AP4S1: variants seen among roughly 807,000 people sequenced by gnomAD.
AP4S1 encodes adaptor related protein complex 4 subunit sigma 1.
In AP4S1, 23 loss-of-function variants were observed where a neutral mutation model predicts 19.8. The observed-to-expected ratio is 1.16, with a 90% confidence interval of 0.84 to 1.65. The LOEUF is 1.65. Ranked by LOEUF, AP4S1 falls within the 40% of genes most tolerant of loss-of-function variation. The pLI is 0.00. For synonymous variants in AP4S1, 46 were observed against 54.1 expected (o/e 0.85, Z 0.66); for missense variants, 166 against 172.8 (o/e 0.96, Z 0.22).
Position 31,095,581 on chromosome 14 carries a change from C to G in AP4S1, c.*2546C>G, listed in dbSNP as rs1888180266. 1.3e-5 allele frequency: 2 copies of G among 152,122 alleles called. No individual in the cohort carries two copies. Among genetic ancestry groups the G allele is most frequent in the Non-Finnish European group, 2.9e-5 (2 of 68,062 alleles). 9.4% of individuals were successfully genotyped at this position (152,122 alleles called of 1,614,324 possible). On this transcript the variant is annotated 3_prime_UTR_variant, in exon 6 of 6. Coordinates refer to ENST00000542754, the MANE Select transcript of AP4S1 (RefSeq NM_001128126.3). ...ACAGGTGCGCACCCCCTCCACCCAG[C>G]TAATTTTTGTATTTTGTTGTAGAGA...
intron 1 of AP4S1, among the ~76,000 whole-genome samples, chr14:31,027,912 T>G (rs1884130808): frequency 6.6e-6 from 1 of 152,116 alleles, no homozygotes; most frequent in Non-Finnish European, 1.5e-5. Flanking sequence ...CATTGAAAAT[T>G]TGTTACTTTT....
chr14:31,085,631 G>A, intron 5 of AP4S1: 2 of 745,240 alleles, frequency 2.7e-6, no homozygotes, highest in South Asian at 1.2e-4. Context: ...AAAAAGCCAG[G>A]CATTGGTGGT....
At chr14:31,035,250 A>G (rs1884665168) in intron 1 of AP4S1, among the ~76,000 whole-genome samples, 1 of 131,252 alleles carries the variant, frequency 7.6e-6, no homozygotes, top group Non-Finnish European at 1.5e-5. Context: ...GCTGGAGTGC[A>G]GTGGTGCGAT....
At chr14:31,053,178 T>C (rs914322679) in intron 1 of AP4S1, among the ~76,000 whole-genome samples, 5 of 152,134 alleles carry the variant, frequency 3.3e-5, no homozygotes, top group Admixed American at 2.6e-4. Context: ...AGATCCCAGG[T>C]GATCCACCCA....
At position 31,066,221 on chromosome 14, in the gene AP4S1, A is replaced by G; in HGVS notation, c.25A>G (p.Asn9Asp). ...AATGATAAAATTTTTCCTCATGGTG[A>G]ATAAACAAGGGCAGACTCGACTTTC... MIKFFLMV[N>D]KQGQTRLSKY... is the part of the protein sequence containing the mutation. Residue 9 changes from asparagine (N) to aspartate (D), a missense_variant, in exon 2 of 6, where the codon AAT (asparagine) becomes GAT (aspartate). Coordinates refer to ENST00000542754, the MANE Select transcript of AP4S1 (RefSeq NM_001128126.3). 6.2e-7 allele frequency: 1 copy of G among 1,614,070 alleles called. No homozygotes were observed. The highest frequency in any genetic ancestry group is 8.5e-7 in the Non-Finnish European group (1 of 1,179,974).
chr14:31,038,317 C>T (rs1884895600), intron 1 of AP4S1, among the ~76,000 whole-genome samples: 1 of 152,062 alleles, frequency 6.6e-6, no homozygotes, highest in African/African-American at 2.4e-5. Flanking sequence ...CTTTATTGTC[C>T]TAAATTTTCA....
At chr14:31,067,217 A>G (rs1318594974) in intron 2 of AP4S1, among the ~76,000 whole-genome samples, 1 of 152,118 alleles carries the variant, frequency 6.6e-6, no homozygotes, top group Non-Finnish European at 1.5e-5. Context: ...TCAAAAAAAA[A>G]AAAAAGGAGG....
chr14:31,049,445 A>G (rs1594652362), intron 1 of AP4S1, among the ~76,000 whole-genome samples: 1 of 69,076 alleles, frequency 1.4e-5, no homozygotes, highest in Non-Finnish European at 2.6e-5. Context: ...ATATATATAT[A>G]TATATATATA....
intron 4 of AP4S1, among the ~76,000 whole-genome samples, chr14:31,078,444 T>C (rs1333291317): frequency 2.0e-5 from 3 of 152,170 alleles, no homozygotes; most frequent in Non-Finnish European, 4.4e-5. Context: ...ACAGTATAGC[T>C]CTAGCTTCTG....
intron 1 of AP4S1, among the ~76,000 whole-genome samples, chr14:31,051,943 G>A (rs1234064949): frequency 6.6e-6 from 1 of 152,164 alleles, no homozygotes; most frequent in Non-Finnish European, 1.5e-5. Flanking sequence ...TTACAGGCAT[G>A]AGCCACGATG....
At chr14:31,091,798 T>G (rs1466761820) in intron 5 of AP4S1, among the ~76,000 whole-genome samples, 1 of 152,244 alleles carries the variant, frequency 6.6e-6, no homozygotes, top group African/African-American at 2.4e-5. Context: ...GCTAGTGCAT[T>G]TAATTACCTA....
chr14:31,085,721 C>A, intron 5 of AP4S1: 1 of 775,186 alleles, frequency 1.3e-6, no homozygotes, highest in Non-Finnish European at 1.6e-6. Flanking sequence ...TGCAGTGAGC[C>A]ATGATTGTGC....
chr14:31,048,268 T>G (rs1375081282), intron 1 of AP4S1, among the ~76,000 whole-genome samples: 11 of 151,648 alleles, frequency 7.3e-5, no homozygotes, highest in Admixed American at 3.3e-4. Flanking sequence ...TAACTTTTTG[T>G]ATTTTGTATT....
chr14:31,029,299 G>C lies in AP4S1; in HGVS notation c.-72+3512G>C, dbSNP rs78823883. Among the ~76,000 whole-genome samples the C allele has an allele frequency of 1.2e-3, 184 of 152,234 alleles. 1 individual carries two copies. The highest frequency in any genetic ancestry group is 4.2e-3 in the African/African-American group (174 of 41,546). ...AAAGGTATGATTCTGTCATTCCTCTGTTTAACATAGTTTAGTGATTTCTAA... is the reference window on the plus strand; with the variant it reads ...AAAGGTATGATTCTGTCATTCCTCTCTTTAACATAGTTTAGTGATTTCTAA... On this transcript the variant is annotated intron_variant, in intron 1 of 5. Coordinates refer to ENST00000542754, the MANE Select transcript of AP4S1 (RefSeq NM_001128126.3).
intron 4 of AP4S1, among the ~76,000 whole-genome samples, chr14:31,075,800 C>T (rs1304415692): frequency 1.4e-5 from 2 of 147,494 alleles, no homozygotes; most frequent in Middle Eastern, 3.3e-3. Context: ...AGTGCAATGG[C>T]GTGCTCTCAG....
chr14:31,045,810 C>T (rs1156650475), intron 1 of AP4S1, among the ~76,000 whole-genome samples: 1 of 151,986 alleles, frequency 6.6e-6, no homozygotes, highest in Admixed American at 6.6e-5. Flanking sequence ...CCTTTCATAA[C>T]CCCTGAGTTT....
At chr14:31,079,740 C>T (rs1385875366) in intron 4 of AP4S1, among the ~76,000 whole-genome samples, 2 of 152,060 alleles carry the variant, frequency 1.3e-5, no homozygotes, top group East Asian at 1.9e-4. Context: ...GTGGGAGGAT[C>T]GCTTGAACCC....
At chr14:31,089,904 G>A (rs1340854608) in intron 5 of AP4S1, among the ~76,000 whole-genome samples, 1 of 152,190 alleles carries the variant, frequency 6.6e-6, no homozygotes, top group Non-Finnish European at 1.5e-5. Flanking sequence ...GAGCAACAGA[G>A]AGAAGCTGCG....
intron 1 of AP4S1, among the ~76,000 whole-genome samples, chr14:31,046,584 G>T (rs1490677567): frequency 2.0e-5 from 3 of 152,094 alleles, no homozygotes; most frequent in Non-Finnish European, 2.9e-5. Flanking sequence ...GGTAGCTCAC[G>T]CCTGTTATCC....
Sources: allele counts gnomAD v4.1 joint callset (sites outside exome capture counted in the v4.1 genomes callset), GRCh38; gene constraint gnomAD v4.1.1; transcripts MANE v1.5; gene names NCBI Gene and HGNC (gene_info 2026-07-23, HGNC 2026-07-21).